SHH: variants seen among roughly 807,000 people sequenced by gnomAD.
SHH encodes sonic hedgehog protein.
In SHH, 3 loss-of-function variants were observed where a neutral mutation model predicts 16.6. The ratio of observed to expected loss-of-function variants is 0.18; its 90% CI spans 0.08 to 0.47. The LOEUF (loss-of-function observed/expected upper bound fraction) is 0.47, where lower values mean the gene tolerates loss of function less well. Ranked by LOEUF, SHH falls within the 20% of genes least tolerant of loss-of-function variation. SHH has a pLI of 0.98. For synonymous variants in SHH, 351 were observed against 316.2 expected, an observed-to-expected ratio of 1.11 and a Z score of -1.17; for missense variants, 499 against 665.0, an observed-to-expected ratio of 0.75 and a Z score of 2.75.
intron 2 of SHH, among the ~76,000 whole-genome samples, chr7:155,804,651 G>T (rs1013854124): frequency 6.6e-6 from 1 of 151,922 alleles, no homozygotes; most frequent in African/African-American, 2.4e-5. Context: ...TTTAAATGGC[G>T]GGGCCTGTTC....
intron 1 of SHH, among the ~76,000 whole-genome samples, chr7:155,808,710 G>C (rs904734411): frequency 6.6e-6 from 1 of 152,344 alleles, no homozygotes; most frequent in Admixed American, 6.5e-5. Context: ...GTCGTGTGCC[G>C]CGAATCAAGC....
intron 1 of SHH, chr7:155,806,829 C>T (rs1803377407): frequency 1.7e-6 from 1 of 584,190 alleles, no homozygotes; most frequent in Non-Finnish European, 3.2e-6. Flanking sequence ...AGCCGATGCT[C>T]CTAGCGAGGC....
At position 155,802,741 on chromosome 7, in the gene SHH, G is replaced by GTTTC. The variant is rs1803215928; in HGVS notation, c.*155_*158dup. ...AACAACAAAACTTCCCGGGGTCCTT[G>GTTTC]TTTCCTTAGAGTCTACTTTGGACTG... On this transcript the variant is annotated 3_prime_UTR_variant, in exon 3 of 3. Coordinates refer to ENST00000297261, the MANE Select transcript of SHH (RefSeq NM_000193.4). 2.2e-6 allele frequency: 1 copy of GTTTC among 445,308 alleles called. No individual in the cohort carries two copies. The highest frequency in any genetic ancestry group is 3.7e-6 in the Non-Finnish European group (1 of 269,186). The allele number at this position is 445,308 out of a possible 1,614,324, so 27.6% of individuals were successfully genotyped here.
rs766318721 is a variant in SHH, at chr7:155,802,890, C to A, written c.*10G>T. 2 of 1,331,548 alleles carry A rather than the reference C, an allele frequency of 1.5e-6. No homozygotes were observed. Among genetic ancestry groups the A allele is most frequent in the South Asian group, 2.1e-5 (1 of 46,998 alleles). 82.5% of individuals were successfully genotyped at this position (1,331,548 alleles called of 1,614,324 possible). A position where few individuals can be genotyped will look rare whatever the true frequency, so the allele number is the denominator to read the frequency against. Reference sequence around the variant, plus strand: ...GCCCCCTCCCGCGCCCCTCCCCCGGCCCCCCGGCTTCAGCTGGACTTGACC... The same window carrying A: ...GCCCCCTCCCGCGCCCCTCCCCCGGACCCCCGGCTTCAGCTGGACTTGACC... On this transcript the variant is annotated 3_prime_UTR_variant, in exon 3 of 3. Coordinates refer to ENST00000297261, the MANE Select transcript of SHH (RefSeq NM_000193.4).
rs1803175350 is a variant in SHH at position 155,801,286 on chromosome 7, G to C, written c.*1614C>G. The stretch of plus-strand genomic sequence containing the variant: ...GTGGGCTTGCCACTCAGATTTAAGG[G>C]GACCCTCAAGAAAAGAGGATAGGAG... On this transcript the variant is annotated 3_prime_UTR_variant, in exon 3 of 3. Transcript: ENST00000297261. The C allele has an allele frequency of 6.6e-6, 1 of 152,434 alleles. No homozygotes were observed. The highest frequency in any genetic ancestry group is 2.1e-4 in the South Asian group (1 of 4,840). 9.4% of individuals were successfully genotyped at this position (152,434 alleles called of 1,614,324 possible).
rs10596345 is a variant in SHH, at chr7:155,802,076, C to CAAAAAAAAAAAAAAAAAAAAAA, written c.*802_*823dup. On this transcript the variant is annotated 3_prime_UTR_variant, in exon 3 of 3. Transcript: ENST00000297261. ...AAAATAACAGTTCTTCCAGTTTGTC[C>CAAAAAAAAAAAAAAAAAAAAAA]AAAAAAAAAAAAAAAAAAAAAAAAG... 5.0e-4 allele frequency: 46 copies of CAAAAAAAAAAAAAAAAAAAAAA among 91,186 alleles called. No homozygotes were observed. The highest frequency in any genetic ancestry group is 7.9e-4 in the African/African-American group (18 of 22,644). The allele number at this position is 91,186 out of a possible 1,614,324, so 5.6% of individuals were successfully genotyped here.
chr7:155,805,015 C>G (rs1316221805), intron 2 of SHH, among the ~76,000 whole-genome samples: 2 of 152,218 alleles, frequency 1.3e-5, no homozygotes, highest in Non-Finnish European at 2.9e-5. Context: ...TCGCACGGCC[C>G]GGCTTGACAC....
In SHH at chr7:155,809,775, G is replaced by A. The variant is rs898878522; in HGVS notation, c.300+2048C>T. ...AAATGCTGCCTGTGCGCGCGGCGGC[G>A]AGAGTGGCCGGGCGCGGGGCCGCTG... On this transcript the variant is annotated intron_variant, in intron 1 of 2. Coordinates refer to ENST00000297261, the MANE Select transcript of SHH (RefSeq NM_000193.4). The surrounding 1 kb of genome is among the most constrained non-coding windows in gnomAD (Gnocchi z 6.1). Among the ~76,000 whole-genome samples, 3 of 151,954 alleles carry A rather than the reference G, an allele frequency of 2.0e-5. No individual in the cohort carries two copies. The highest frequency in any genetic ancestry group is 2.9e-5 in the Non-Finnish European group (2 of 67,940).
Position 155,803,740 on chromosome 7 carries a change from G to GA in SHH, c.563-15dup. On this transcript the variant is annotated splice_polypyrimidine_tract_variant and intron_variant, in intron 2 of 2. Transcript: ENST00000297261. ...CCACCGAGTTCTCTGCGGGTGAGGA[G>GA]AAGGGAAAGAAGAGAGGACAGGGCA... 6.3e-7 allele frequency: 1 copy of GA among 1,589,004 alleles called. No homozygotes were observed.
At position 155,801,406 on chromosome 7, in the gene SHH, A is replaced by G. The variant is rs1002712717; in HGVS notation, c.*1494T>C. The G allele has an allele frequency of 3.9e-5, 6 of 152,344 alleles. No homozygotes were observed. Among genetic ancestry groups the G allele is most frequent in the Non-Finnish European group, 7.3e-5 (5 of 68,126 alleles). The allele number at this position is 152,344 out of a possible 1,614,324, so 9.4% of individuals were successfully genotyped here. A position where few individuals can be genotyped will look rare whatever the true frequency, so the allele number is the denominator to read the frequency against. On this transcript the variant is annotated 3_prime_UTR_variant, in exon 3 of 3. Transcript: ENST00000297261. ...GAAAGCAGCAATGAGCCTCCTCCCT[A>G]CAGATCAGAGAAGCACAAACAGGGT...
At position 155,812,376 on chromosome 7, in the gene SHH, A is replaced by C; in HGVS notation, c.-254T>G. On this transcript the variant is annotated 5_prime_UTR_variant, in exon 1 of 3. Transcript: ENST00000297261. ...AATGGCAGGCTGCCGGCCGCTGATA[A>C]CGGAACACATCGGAGTTGGGTCGCG... 1.7e-6 allele frequency: 1 copy of C among 579,422 alleles called. No individual in the cohort carries two copies. Among genetic ancestry groups the C allele is most frequent in the Non-Finnish European group, 3.1e-6 (1 of 322,616 alleles). The allele number at this position is 579,422 out of a possible 1,614,324, so 35.9% of individuals were successfully genotyped here.
intron 2 of SHH, 147 bp from the exon 3 acceptor site, chr7:155,803,873 C>T (rs1350377329): frequency 7.3e-6 from 5 of 682,918 alleles, no homozygotes; most frequent in East Asian, 5.4e-5. Context: ...TGATTCCAGG[C>T]GGGTCCCGCA....
chr7:155,803,908 T>C (rs934663077), intron 2 of SHH, among the ~76,000 whole-genome samples, 182 bp from the exon 3 acceptor site: 1 of 150,550 alleles, frequency 6.6e-6, no homozygotes. Flanking sequence ...CCAACCCCAC[T>C]GCCCCAGGGA....
Position 155,809,972 on chromosome 7 carries a change from C to A in SHH, c.300+1851G>T, listed in dbSNP as rs879530011. Among the ~76,000 whole-genome samples, 2 of 151,826 alleles carry A rather than the reference C, an allele frequency of 1.3e-5. No homozygotes were observed. Among genetic ancestry groups the A allele is most frequent in the Non-Finnish European group, 2.9e-5 (2 of 67,904 alleles). On this transcript the variant is annotated intron_variant, in intron 1 of 2. Coordinates refer to ENST00000297261, the MANE Select transcript of SHH (RefSeq NM_000193.4). This position sits in a 1 kb window ranked among gnomAD's most constrained non-coding sequence, Gnocchi z 6.1. ...ATGCGCCCCGGCCCCTGCGCGGGCG[C>A]CCCCATCTCCGCGCCCCCGCCGCCG...
intron 1 of SHH, chr7:155,806,946 TTGCCCTCCACTTCTAGC>T: frequency 4.0e-6 from 1 of 248,560 alleles, no homozygotes; most frequent in Non-Finnish European, 8.3e-6. Context: ...CGCCCCCACG[TTGCCCTCCACTTCTAGC>T]CCCCCTTCTG....
At chr7:155,811,690 T>G (rs1301978014) in intron 1 of SHH, 133 bp downstream of exon 1, 2 of 876,172 alleles carry the variant, frequency 2.3e-6, no homozygotes, top group East Asian at 2.4e-5. Flanking sequence ...GGCGGGCAGG[T>G]GGGTGGGGAA....
Position 155,808,739 on chromosome 7 carries a change from C to T in SHH, c.301-2182G>A, listed in dbSNP as rs899496176. ...ATCAAGCCCGACTCTGTGCAGCCAC[C>T]GTGAAGCCCAGCAGGGCCGCCGGGG... On this transcript the variant is annotated intron_variant, in intron 1 of 2. Coordinates refer to ENST00000297261, the MANE Select transcript of SHH (RefSeq NM_000193.4). 3.3e-5 allele frequency among the ~76,000 whole-genome samples: 5 copies of T among 152,326 alleles called. No individual in the cohort carries two copies. In the East Asian group the frequency reaches 7.7e-4, roughly 24 times the overall value.
rs1318329179 is a variant in SHH at position 155,806,465 on chromosome 7, A to G, written c.393T>C (p.Asp131=). Residue 131 remains aspartate (D), a synonymous_variant, in exon 2 of 3, where the codon GAT becomes GAC. Coordinates refer to ENST00000297261, the MANE Select transcript of SHH (RefSeq NM_000193.4). ...KLRVTEGWDE[D]GHHSEESLHY... ...GCAGAGACTCCTCTGAGTGGTGGCC[A>G]TCTTCGTCCCAGCCCTCGGTCACCC... is the stretch of plus-strand genomic sequence containing the variant. 2.5e-6 allele frequency: 4 copies of G among 1,613,764 alleles called. No homozygotes were observed. The highest frequency in any genetic ancestry group is 2.5e-6 in the Non-Finnish European group (3 of 1,180,020).
In SHH at chr7:155,809,632, C is replaced by A. The variant is rs930839409; in HGVS notation, c.300+2191G>T. 6.6e-6 allele frequency among the ~76,000 whole-genome samples: 1 copy of A among 152,238 alleles called. No individual in the cohort carries two copies. The highest frequency in any genetic ancestry group is 6.5e-5 in the Admixed American group (1 of 15,288). ...CCTGGCTCTCCTCACCCAACCCCCA[C>A]TTGGGCCGTCCTTCCCCCTCCTTTT... is the stretch of plus-strand genomic sequence containing the variant. On this transcript the variant is annotated intron_variant, in intron 1 of 2. Transcript: ENST00000297261. This position sits in a 1 kb window ranked among gnomAD's most constrained non-coding sequence, Gnocchi z 6.1.
Sources: allele counts gnomAD v4.1 joint callset (sites outside exome capture counted in the v4.1 genomes callset), GRCh38; gene constraint gnomAD v4.1.1; non-coding constraint Gnocchi (gnomAD v3.1); transcripts MANE v1.5; gene names NCBI Gene and HGNC (gene_info 2026-07-23, HGNC 2026-07-21).